The following DMD variants were observed in gnomAD, a reference collection of about 807,000 sequenced individuals.
DMD encodes the protein dystrophin.
In DMD, 63 loss-of-function variants were observed where a neutral mutation model predicts 330.1. The observed-to-expected ratio is 0.19, with a 90% CI of 0.16 to 0.24. The LOEUF is 0.24. Among genes scored for constraint, DMD ranks in the 10% least tolerant of loss-of-function variants. The pLI, the probability that DMD is intolerant of heterozygous loss-of-function variation, is 1.00. For missense variants in DMD, 3,344 were observed against 2,684.1 expected, an observed-to-expected ratio of 1.25 and a Z score of -5.43; for synonymous variants, 1,223 against 959.8, an observed-to-expected ratio of 1.27 and a Z score of -5.07.
At chrX:32,521,415 T>A (rs2046410176) in intron 17 of DMD, among the ~76,000 whole-genome samples, 1 of 111,819 alleles carries the variant, frequency 8.9e-6, no homozygotes, top group South Asian at 3.8e-4. Context: ...CATTGGTAAT[T>A]TTTTCTTTGC....
intron 1 of DMD, among the ~76,000 whole-genome samples, chrX:33,194,649 T>C (rs903445248): frequency 1.8e-5 from 2 of 110,797 alleles, no homozygotes; most frequent in Non-Finnish European, 3.8e-5. Context: ...AAAGTTACTA[T>C]GGTCTTATTA....
chrX:31,933,930 T>C (rs754753045), intron 45 of DMD, among the ~76,000 whole-genome samples: 244 of 107,410 alleles, frequency 2.3e-3, no homozygotes, highest in Non-Finnish European at 3.7e-3. Flanking sequence ...TGGACATTTG[T>C]GATAATTCAG....
At chrX:32,782,668 C>G (rs776433638) in intron 7 of DMD, among the ~76,000 whole-genome samples, 1 of 110,594 alleles carries the variant, frequency 9.0e-6, no homozygotes, top group Non-Finnish European at 1.9e-5. Context: ...TCTGCGGGTT[C>G]TGTATCTGCA....
chrX:32,412,373 T>C (rs1206523679), intron 29 of DMD: 2 of 213,815 alleles, frequency 9.4e-6, no homozygotes, highest in Non-Finnish European at 1.4e-5. Context: ...AATCAGCTCC[T>C]TGTCAAAAAC....
chrX:32,047,675 G>A (rs1952259287), intron 44 of DMD, among the ~76,000 whole-genome samples: 1 of 111,337 alleles, frequency 9.0e-6, no homozygotes, highest in Non-Finnish European at 1.9e-5. Context: ...ATCTCTGGAG[G>A]ACAAATGTGA....
At chrX:32,794,027 T>C (rs140407182) in intron 7 of DMD, among the ~76,000 whole-genome samples, 1,185 of 111,578 alleles carry the variant, frequency 0.011, 11 homozygotes, top group African/African-American at 0.037. Context: ...AAAAATGTAA[T>C]ATTATCAAGT....
chrX:31,829,826 C>T (rs991879480), intron 49 of DMD, among the ~76,000 whole-genome samples: 2 of 111,938 alleles, frequency 1.8e-5, no homozygotes, highest in South Asian at 3.7e-4. Context: ...GGCATACATT[C>T]GAATATTGTA....
At chrX:33,063,689 T>G (rs894451679) in intron 1 of DMD, among the ~76,000 whole-genome samples, 8 of 110,989 alleles carry the variant, frequency 7.2e-5, no homozygotes, top group African/African-American at 2.6e-4. Flanking sequence ...GAGGCAGTTC[T>G]TTGCCCCTAC....
intron 11 of DMD, among the ~76,000 whole-genome samples, chrX:32,623,718 G>C (rs923005972): frequency 1.8e-5 from 2 of 109,847 alleles, no homozygotes; most frequent in African/African-American, 6.6e-5. Context: ...GTATAGATGT[G>C]GTCTCCCTAT....
At chrX:31,310,480 C>G (rs945461595) in intron 62 of DMD, among the ~76,000 whole-genome samples, 1 of 109,659 alleles carries the variant, frequency 9.1e-6, no homozygotes, top group African/African-American at 3.3e-5. Flanking sequence ...TGATAAAGCA[C>G]TTGTATTTAC....
At chrX:32,828,422 G>A (rs1439011023) in intron 4 of DMD, among the ~76,000 whole-genome samples, 1 of 106,747 alleles carries the variant, frequency 9.4e-6, no homozygotes, top group Non-Finnish European at 1.9e-5. Context: ...CAATTCACAG[G>A]ATGTATATAC....
chrX:32,614,529 G>T (rs2057411969), intron 11 of DMD, 76 bp from the exon 12 acceptor site: 13 of 893,215 alleles, frequency 1.5e-5, no homozygotes, highest in Non-Finnish European at 2.1e-5. Context: ...TAAAACAATA[G>T]AATTTATAAT....
At chrX:33,160,853 C>T (rs1438169698) in intron 1 of DMD, among the ~76,000 whole-genome samples, 1 of 111,261 alleles carries the variant, frequency 9.0e-6, no homozygotes, top group Non-Finnish European at 1.9e-5. Context: ...TTTTAGCAAA[C>T]TTTAAGATAG....
intron 59 of DMD, among the ~76,000 whole-genome samples, chrX:31,451,939 G>A (rs528681560): frequency 1.5e-4 from 16 of 110,281 alleles, no homozygotes; most frequent in South Asian, 3.8e-4. Flanking sequence ...GTCTCCTTCC[G>A]TTCAGTTTTC....
At chrX:32,590,802 CA>C (rs2054822428) in intron 13 of DMD, among the ~76,000 whole-genome samples, 1 of 111,167 alleles carries the variant, frequency 9.0e-6, no homozygotes, top group South Asian at 3.8e-4. Context: ...TGGACTGCAC[CA>C]GGCTACTAGG....
chrX:32,625,006 A>G (rs2058253857), intron 11 of DMD, among the ~76,000 whole-genome samples: 1 of 111,242 alleles, frequency 9.0e-6, no homozygotes, highest in African/African-American at 3.3e-5. Flanking sequence ...CCCCATCTCC[A>G]CTAAAAATAC....
Position 32,555,855 on chromosome X carries a change from A to G in DMD, c.1992+9847T>C, listed in dbSNP as rs778464251. Among the ~76,000 whole-genome samples, 7 of 112,238 alleles carry G rather than the reference A, an allele frequency of 6.2e-5. No homozygotes were observed. In the South Asian group the frequency reaches 2.2e-3, roughly 35 times the overall value. On this transcript the variant is annotated intron_variant, in intron 16 of 78. Transcript: ENST00000357033. ...TAAAGACTTAAATGCAAAACCCCAA[A>G]CAATAAAAACCTTAGAAGAAAACCT...
intron 11 of DMD, among the ~76,000 whole-genome samples, chrX:32,615,196 T>C: frequency 1.8e-5 from 2 of 111,553 alleles, no homozygotes; most frequent in Middle Eastern, 9.2e-3. Flanking sequence ...CAATTATAAA[T>C]TGTTTTAACC....
chrX:32,436,966 A>T (rs950871238), intron 29 of DMD, among the ~76,000 whole-genome samples: 4 of 110,156 alleles, frequency 3.6e-5, no homozygotes, highest in Non-Finnish European at 7.6e-5. Flanking sequence ...AAAAAAAAAA[A>T]TTTGAGTCTT....
Sources: gnomAD v4.1 joint callset for allele counts (sites outside exome capture counted in the v4.1 genomes callset) on GRCh38, gnomAD v4.1.1 for gene constraint, MANE v1.5 for transcripts, NCBI Gene and HGNC (gene_info 2026-07-23, HGNC 2026-07-21) for gene names.